Variants in CPEB3 observed in about 807,000 individuals in gnomAD.
CPEB3 encodes cytoplasmic polyadenylation element binding protein 3.
Under a neutral mutation model 67.2 loss-of-function variants are expected in CPEB3, and 20 were observed. The ratio of observed to expected loss-of-function variants is 0.30; its 90% CI spans 0.21 to 0.43. CPEB3 has a LOEUF of 0.43. Among genes scored for constraint, CPEB3 ranks in the 20% least tolerant of loss-of-function variants. CPEB3 has a pLI of 1.00. For synonymous variants in CPEB3, 376 were observed against 393.1 expected, an observed-to-expected ratio of 0.96 and a Z score of 0.51; for missense variants, 746 against 968.6, an observed-to-expected ratio of 0.77 and a Z score of 3.05.
intron 7 of CPEB3, among the ~76,000 whole-genome samples, chr10:92,109,571 G>A (rs1302203290): frequency 1.3e-5 from 2 of 152,052 alleles, no homozygotes; most frequent in African/African-American, 4.8e-5. Flanking sequence ...TTTTTTGTGT[G>A]TGTGGAGGGG....
chr10:92,245,659 T>C (rs1341250935), intron 1 of CPEB3, among the ~76,000 whole-genome samples: 1 of 152,204 alleles, frequency 6.6e-6, no homozygotes, highest in Admixed American at 6.5e-5. Context: ...ATTCCAAAAT[T>C]TGCAAGGATC....
At chr10:92,253,209 C>G (rs1190466745) in intron 1 of CPEB3, among the ~76,000 whole-genome samples, 1 of 151,940 alleles carries the variant, frequency 6.6e-6, no homozygotes, top group Non-Finnish European at 1.5e-5. Flanking sequence ...CGCCTGTAAT[C>G]CCAGCACTTT....
chr10:92,188,321 A>T lies in CPEB3; in HGVS notation c.1165+4156T>A, dbSNP rs1226887046. On this transcript the variant is annotated intron_variant, in intron 3 of 9. Coordinates refer to ENST00000265997, the MANE Select transcript of CPEB3 (RefSeq NM_014912.5). ...AAGAAAAGTATATGTAAGACATAGT[A>T]AAAAAAAAAAAAAAAAAAAAAAAAA... 1.8e-4 allele frequency among the ~76,000 whole-genome samples: 4 copies of T among 21,770 alleles called. No homozygotes were observed. In the African/African-American group the frequency reaches 2.2e-3, roughly 12 times the overall value. 14.3% of individuals were successfully genotyped at this position (21,770 alleles called of 152,430 possible). A position where few individuals can be genotyped will look rare whatever the true frequency, so the allele number is the denominator to read the frequency against.
Position 92,244,180 on chromosome 10 carries a change from C to G in CPEB3, c.-11-3819G>C, listed in dbSNP as rs1378956256. On this transcript the variant is annotated intron_variant, in intron 1 of 9. Coordinates refer to ENST00000265997, the MANE Select transcript of CPEB3 (RefSeq NM_014912.5). ...TGGCCCACATGGTGAAACCCCATCT[C>G]TACTAAAAATACAAAAATTAGCTGA... 2.0e-5 allele frequency among the ~76,000 whole-genome samples: 3 copies of G among 152,016 alleles called. No individual in the cohort carries two copies. The East Asian group carries it at 5.9e-4, about 30-fold the overall frequency.
At chr10:92,198,137 C>A (rs1017140520) in intron 2 of CPEB3, among the ~76,000 whole-genome samples, 3 of 152,116 alleles carry the variant, frequency 2.0e-5, no homozygotes, top group African/African-American at 7.2e-5. Flanking sequence ...AAAATTAAGT[C>A]TTGGAGAGAA....
intron 8 of CPEB3, among the ~76,000 whole-genome samples, chr10:92,082,264 CTTTGTTTGTTTGTTTG>C (rs59306760): frequency 6.6e-6 from 1 of 150,754 alleles, no homozygotes; most frequent in African/African-American, 2.5e-5. Context: ...CTAAATATGC[CTTTGTTTGTTTGTTTG>C]TTTGTTTGTT....
chr10:92,199,964 T>A (rs1367389852), intron 2 of CPEB3, among the ~76,000 whole-genome samples: 1 of 151,900 alleles, frequency 6.6e-6, no homozygotes, highest in Admixed American at 6.6e-5. Flanking sequence ...CTGCCTCCAC[T>A]CACTGTCTTC....
intron 2 of CPEB3, among the ~76,000 whole-genome samples, chr10:92,195,046 A>AC (rs1564855307): frequency 0.039 from 4,546 of 117,062 alleles, 84 homozygotes; most frequent in Admixed American, 0.077. Context: ...TGTCTCAAAA[A>AC]ACACACACAC....
intron 7 of CPEB3, among the ~76,000 whole-genome samples, chr10:92,104,578 G>A (rs533640929): frequency 3.7e-4 from 56 of 151,898 alleles, no homozygotes; most frequent in African/African-American, 1.2e-3. Flanking sequence ...TAGTAGAGAC[G>A]GGGTTTCACC....
chr10:92,232,719 C>T (rs10786033), intron 2 of CPEB3, among the ~76,000 whole-genome samples: 102,552 of 150,590 alleles, frequency 0.68, 36,694 homozygotes, highest in African/African-American at 0.91. Flanking sequence ...GACCGTGCCA[C>T]TGCATTCCAG....
chr10:92,158,862 A>G (rs926598167), intron 4 of CPEB3, among the ~76,000 whole-genome samples: 1 of 152,232 alleles, frequency 6.6e-6, no homozygotes, highest in Non-Finnish European at 1.5e-5. Flanking sequence ...ATCATGTATC[A>G]CTAAAAGATC....
chr10:92,118,578 T>C (rs185728060), intron 6 of CPEB3: 3 of 324,640 alleles, frequency 9.2e-6, no homozygotes, highest in East Asian at 6.8e-5. Flanking sequence ...TCTAATGATA[T>C]AAAAGACAAA....
At chr10:92,055,994 G>A (rs538875213) in intron 9 of CPEB3, among the ~76,000 whole-genome samples, 1 of 152,240 alleles carries the variant, frequency 6.6e-6, no homozygotes, top group South Asian at 2.1e-4. Context: ...CTCCAGCCTG[G>A]GTGACACAGT....
chr10:92,120,098 C>CAAAAAAAAAAAAAAACAAAACAAGCA (rs1845272228), intron 6 of CPEB3, among the ~76,000 whole-genome samples: 2 of 45,284 alleles, frequency 4.4e-5, no homozygotes, highest in Non-Finnish European at 7.4e-5. Flanking sequence ...ACTAAAAATA[C>CAAAAAAAAAAAAAAACAAAACAAGCA]AAAAAAAAAA....
intron 6 of CPEB3, among the ~76,000 whole-genome samples, chr10:92,122,331 C>G (rs531076535): frequency 2.0e-5 from 3 of 152,222 alleles, no homozygotes; most frequent in Admixed American, 6.5e-5. Context: ...AAAGGGTCAA[C>G]TCACTTGGAC....
At chr10:92,119,876 T>C (rs1418094299) in intron 6 of CPEB3, among the ~76,000 whole-genome samples, 1 of 152,062 alleles carries the variant, frequency 6.6e-6, no homozygotes, top group Non-Finnish European at 1.5e-5. Flanking sequence ...ACCATTTTTT[T>C]CTGAAACTAA....
chr10:92,241,440 A>G (rs999814345), intron 1 of CPEB3, among the ~76,000 whole-genome samples: 3 of 152,192 alleles, frequency 2.0e-5, no homozygotes, highest in African/African-American at 7.2e-5. Context: ...GACTTTGGCA[A>G]ATTTAGAATC....
chr10:92,123,109 G>A (rs2133634063), intron 6 of CPEB3, among the ~76,000 whole-genome samples: 1 of 152,308 alleles, frequency 6.6e-6, no homozygotes, highest in African/African-American at 2.4e-5. Flanking sequence ...AACCACCTCA[G>A]AGTTCAAAAT....
chr10:92,219,681 C>T (rs1850601732), intron 2 of CPEB3, among the ~76,000 whole-genome samples: 1 of 152,176 alleles, frequency 6.6e-6, no homozygotes, highest in South Asian at 2.1e-4. Flanking sequence ...AAAATAGCTA[C>T]TCTGGAATAA....
Sources: allele counts gnomAD v4.1 joint callset (sites outside exome capture counted in the v4.1 genomes callset), GRCh38; gene constraint gnomAD v4.1.1; transcripts MANE v1.5; gene names NCBI Gene and HGNC (gene_info 2026-07-23, HGNC 2026-07-21).